SNTG1: variants seen among roughly 807,000 people sequenced by gnomAD.
SNTG1 encodes syntrophin gamma 1, also known as gamma-1-syntrophin.
A neutral mutation model predicts 74.7 loss-of-function variants in SNTG1; 39 were observed. The ratio of observed to expected loss-of-function variants is 0.52; its 90% CI spans 0.40 to 0.68. The LOEUF (loss-of-function observed/expected upper bound fraction) is 0.68, where lower values mean the gene tolerates loss of function less well. Among genes scored for constraint, SNTG1 ranks in the 30% least tolerant of loss-of-function variants. SNTG1 has a pLI of 0.00. For synonymous variants in SNTG1, 254 were observed against 217.1 expected (o/e 1.17, Z -1.49); for missense variants, 685 against 609.5 (o/e 1.12, Z -1.30).
At chr8:50,454,647 G>T (rs1256396400) in intron 8 of SNTG1, among the ~76,000 whole-genome samples, 1 of 151,716 alleles carries the variant, frequency 6.6e-6, no homozygotes, top group Non-Finnish European at 1.5e-5. Context: ...TTCCAGACCA[G>T]CCTGGCCAAC....
chr8:50,029,920 C>T (rs1246184107), intron 1 of SNTG1, among the ~76,000 whole-genome samples: 1 of 152,058 alleles, frequency 6.6e-6, no homozygotes, highest in Non-Finnish European at 1.5e-5. Context: ...TGAGGAATCT[C>T]CAAACTATTC....
chr8:49,936,107 T>A (rs942092902), intron 1 of SNTG1, among the ~76,000 whole-genome samples: 1 of 152,152 alleles, frequency 6.6e-6, no homozygotes, highest in African/African-American at 2.4e-5. Context: ...TATTCAGCAA[T>A]TGTTGAGTTT....
At chr8:50,639,145 A>G (rs1488212483) in intron 13 of SNTG1, among the ~76,000 whole-genome samples, 1 of 152,014 alleles carries the variant, frequency 6.6e-6, no homozygotes, top group Non-Finnish European at 1.5e-5. Context: ...AAATGGAAAT[A>G]CAAGTTTAAA....
At chr8:49,979,080 G>GT (rs1373948108) in intron 1 of SNTG1, among the ~76,000 whole-genome samples, 3 of 152,188 alleles carry the variant, frequency 2.0e-5, no homozygotes, top group African/African-American at 7.2e-5. Flanking sequence ...TACATTAAAA[G>GT]CCTTCACGCT....
At chr8:50,413,936 T>C (rs2092983055) in intron 4 of SNTG1, among the ~76,000 whole-genome samples, 1 of 152,252 alleles carries the variant, frequency 6.6e-6, no homozygotes, top group Non-Finnish European at 1.5e-5. Flanking sequence ...ATTTGCCTCA[T>C]AGTATTTTAC....
At chr8:50,318,380 A>G (rs373562815) in intron 2 of SNTG1, among the ~76,000 whole-genome samples, 2 of 152,208 alleles carry the variant, frequency 1.3e-5, no homozygotes, top group African/African-American at 4.8e-5. Context: ...GAGAACACAT[A>G]CTGACATGCT....
intron 1 of SNTG1, among the ~76,000 whole-genome samples, chr8:49,919,891 T>C (rs779598604): frequency 9.2e-5 from 14 of 152,242 alleles, no homozygotes; most frequent in Non-Finnish European, 1.9e-4. Flanking sequence ...TAGATTAATC[T>C]ACTTGTGTAC....
At position 50,792,734 on chromosome 8, in the gene SNTG1, G is replaced by C; in HGVS notation, c.1459G>C (p.Val487Leu). Residue 487 changes from valine (V) to leucine (L), a missense_variant, in exon 19 of 19, where the codon GTA (valine) becomes CTA (leucine). Transcript: ENST00000642720. Reference sequence around the variant, plus strand: ...CATTCATTCCTTCTTTGCTGCCAAGGTAGCTTGTTTGGACCCTCTATTTTT... The same window carrying C: ...CATTCATTCCTTCTTTGCTGCCAAGCTAGCTTGTTTGGACCCTCTATTTTT... The part of the protein sequence containing the change: ...HCIHSFFAAK[V>L]ACLDPLFLGN... 6.2e-7 allele frequency: 1 copy of C among 1,612,262 alleles called. No homozygotes were observed. Among genetic ancestry groups the C allele is most frequent in the South Asian group, 1.1e-5 (1 of 91,002 alleles).
At chr8:50,655,293 TG>T (rs1394121814) in intron 13 of SNTG1, among the ~76,000 whole-genome samples, 4 of 152,208 alleles carry the variant, frequency 2.6e-5, no homozygotes, top group East Asian at 1.9e-4. Flanking sequence ...GTTTTCTTTA[TG>T]GGATGGTTAT....
chr8:50,516,457 A>G (rs1289548079), intron 9 of SNTG1, among the ~76,000 whole-genome samples: 1 of 152,194 alleles, frequency 6.6e-6, no homozygotes, highest in Non-Finnish European at 1.5e-5. Context: ...TGATGAATTG[A>G]CAGTAGTAGT....
intron 5 of SNTG1, among the ~76,000 whole-genome samples, chr8:50,448,725 T>G (rs758381405): frequency 1.3e-5 from 2 of 152,154 alleles, no homozygotes; most frequent in African/African-American, 2.4e-5. Context: ...ATATCTCATT[T>G]AGTCAACTAA....
chr8:50,194,512 T>C (rs554788651), intron 2 of SNTG1, among the ~76,000 whole-genome samples: 1 of 152,184 alleles, frequency 6.6e-6, no homozygotes, highest in Non-Finnish European at 1.5e-5. Context: ...TCAGTTGTAA[T>C]ATCTCCTGTT....
At chr8:50,245,134 G>A (rs1361773138) in intron 2 of SNTG1, among the ~76,000 whole-genome samples, 1 of 151,900 alleles carries the variant, frequency 6.6e-6, no homozygotes, top group Non-Finnish European at 1.5e-5. Flanking sequence ...TCATTCTCTG[G>A]GTCAGTCAGA....
At chr8:50,595,076 A>G (rs981110154) in intron 13 of SNTG1, among the ~76,000 whole-genome samples, 1 of 151,408 alleles carries the variant, frequency 6.6e-6, no homozygotes, top group Non-Finnish European at 1.5e-5. Context: ...AAAATATTCT[A>G]TTAATGAAAC....
At chr8:50,056,366 T>C (rs1292450062) in intron 1 of SNTG1, among the ~76,000 whole-genome samples, 1 of 152,142 alleles carries the variant, frequency 6.6e-6, no homozygotes, top group Non-Finnish European at 1.5e-5. Context: ...GCCTGAACCT[T>C]ACTCAAGGCT....
intron 2 of SNTG1, among the ~76,000 whole-genome samples, chr8:50,318,795 A>G (rs1019828376): frequency 6.6e-6 from 1 of 152,224 alleles, no homozygotes; most frequent in African/African-American, 2.4e-5. Flanking sequence ...TACATAAAAA[A>G]TAATACATGC....
At chr8:50,706,933 A>C (rs2095445225) in intron 16 of SNTG1, among the ~76,000 whole-genome samples, 1 of 152,074 alleles carries the variant, frequency 6.6e-6, no homozygotes, top group Non-Finnish European at 1.5e-5. Flanking sequence ...AGTGTTCCTC[A>C]TTTAAACTTC....
At chr8:50,619,330 A>G (rs1228075987) in intron 13 of SNTG1, among the ~76,000 whole-genome samples, 2 of 152,208 alleles carry the variant, frequency 1.3e-5, no homozygotes, top group Non-Finnish European at 2.9e-5. Flanking sequence ...GTACCTATAT[A>G]TGCTTAAGTA....
chr8:50,270,026 T>G (rs1733977506), intron 2 of SNTG1, among the ~76,000 whole-genome samples: 1 of 152,166 alleles, frequency 6.6e-6, no homozygotes, highest in South Asian at 2.1e-4. Flanking sequence ...TGAAAATAAT[T>G]TTTAAAAAGA....
Sources: allele counts gnomAD v4.1 joint callset (sites outside exome capture counted in the v4.1 genomes callset), GRCh38; gene constraint gnomAD v4.1.1; transcripts MANE v1.5; gene names NCBI Gene and HGNC (gene_info 2026-07-23, HGNC 2026-07-21).